Variants in HTR2C observed in about 807,000 individuals in gnomAD.
The protein encoded by HTR2C is 5-hydroxytryptamine (serotonin) receptor 2C, G protein-coupled.
Under a neutral mutation model 21.0 loss-of-function variants are expected in HTR2C, and 5 were observed. The observed-to-expected ratio is 0.24, with a 90% CI of 0.12 to 0.50. The LOEUF is 0.50. HTR2C is among the 20% of genes least tolerant of loss of function. The pLI, the probability that HTR2C is intolerant of heterozygous loss-of-function variation, is 0.98. For synonymous variants in HTR2C, 150 were observed against 145.3 expected (o/e 1.03, Z -0.23); for missense variants, 271 against 371.2 (o/e 0.73, Z 2.22).
At position 114,726,769 on chromosome X, in the gene HTR2C, T is replaced by C. The variant is rs1269796908; in HGVS notation, c.-79-89T>C. The C allele has an allele frequency of 1.3e-5, 5 of 395,236 alleles. No homozygotes were observed. The African/African-American group carries it at 1.3e-4, about 11-fold the overall frequency. The allele number at this position is 395,236 out of a possible 1,213,427, so 32.6% of individuals were successfully genotyped here. A position where few individuals can be genotyped will look rare whatever the true frequency, so the allele number is the denominator to read the frequency against. On this transcript the variant is annotated intron_variant, in intron 2 of 5. Coordinates refer to ENST00000276198, the MANE Select transcript of HTR2C (RefSeq NM_000868.4). ...AATTAATAACTGTTTCTTATCACCA[T>C]TAAGTGCATTTAAGTTTATTTAATT...
chrX:114,822,152 A>C (rs1369019744), intron 4 of HTR2C, among the ~76,000 whole-genome samples: 2 of 111,720 alleles, frequency 1.8e-5, no homozygotes. Context: ...TGGCAAGATT[A>C]AATATACTTT....
At chrX:114,695,172 T>C (rs1556415714) in intron 2 of HTR2C, among the ~76,000 whole-genome samples, 2 of 112,500 alleles carry the variant, frequency 1.8e-5, no homozygotes. Flanking sequence ...TATTATTTGA[T>C]GAAGAAATTT....
chrX:114,765,265 C>T (rs1159299387), intron 4 of HTR2C, among the ~76,000 whole-genome samples: 4 of 110,454 alleles, frequency 3.6e-5, no homozygotes, highest in Admixed American at 9.8e-5. Flanking sequence ...TGAACTTTTC[C>T]CTCAAAGCCT....
intron 4 of HTR2C, among the ~76,000 whole-genome samples, chrX:114,734,142 A>G (rs1233285046): frequency 4.5e-5 from 5 of 111,493 alleles, no homozygotes; most frequent in Non-Finnish European, 9.4e-5. Context: ...GAATGAACAT[A>G]AAAAGCACCC....
chrX:114,724,094 A>C (rs782512312), intron 2 of HTR2C, among the ~76,000 whole-genome samples: 3,884 of 106,083 alleles, frequency 0.037, 199 homozygotes, highest in African/African-American at 0.13. Flanking sequence ...TCTCGTTGAT[A>C]TGTCTAATGT....
intron 4 of HTR2C, among the ~76,000 whole-genome samples, chrX:114,788,926 G>A (rs2070204540): frequency 8.9e-6 from 1 of 111,879 alleles, no homozygotes; most frequent in South Asian, 3.7e-4. Context: ...TGGGATTACA[G>A]GCATGAGGCA....
At chrX:114,823,849 C>T (rs1221630864) in intron 4 of HTR2C, among the ~76,000 whole-genome samples, 1 of 110,917 alleles carries the variant, frequency 9.0e-6, no homozygotes, top group African/African-American at 3.3e-5. Context: ...AGAGCTACAC[C>T]GAATTAGGGA....
chrX:114,625,428 C>A (rs1464714393), intron 2 of HTR2C, among the ~76,000 whole-genome samples: 1 of 111,166 alleles, frequency 9.0e-6, no homozygotes, highest in Non-Finnish European at 1.9e-5. Context: ...CTCTGTTAGA[C>A]ACCATGAGAG....
chrX:114,675,994 C>T (rs1282658326), intron 2 of HTR2C, among the ~76,000 whole-genome samples: 1 of 108,611 alleles, frequency 9.2e-6, no homozygotes, highest in African/African-American at 3.3e-5. Flanking sequence ...CTCGGCCCCC[C>T]AAGTAGTTGG....
At chrX:114,714,382 A>G in intron 2 of HTR2C, among the ~76,000 whole-genome samples, 1 of 111,974 alleles carries the variant, frequency 8.9e-6, no homozygotes, top group East Asian at 2.8e-4. Flanking sequence ...TAAAATCACC[A>G]ATAAACAATT....
intron 2 of HTR2C, among the ~76,000 whole-genome samples, chrX:114,718,256 A>T (rs997159445): frequency 2.7e-5 from 3 of 111,305 alleles, no homozygotes; most frequent in Admixed American, 9.6e-5. Flanking sequence ...CTTATTTTTT[A>T]AAATTATTTT....
intron 4 of HTR2C, among the ~76,000 whole-genome samples, chrX:114,766,021 A>G (rs1255394327): frequency 9.0e-6 from 1 of 111,660 alleles, no homozygotes; most frequent in Non-Finnish European, 1.9e-5. Flanking sequence ...TAAATGGTAA[A>G]AGATACGGAA....
intron 5 of HTR2C, among the ~76,000 whole-genome samples, chrX:114,894,984 G>T (rs192068075): frequency 1.1e-4 from 12 of 111,527 alleles, no homozygotes; most frequent in African/African-American, 3.6e-4. Context: ...CTCCCAAAGT[G>T]CTGGGATTAC....
chrX:114,861,316 T>C (rs2071004452), intron 5 of HTR2C, among the ~76,000 whole-genome samples: 1 of 111,456 alleles, frequency 9.0e-6, no homozygotes, highest in Non-Finnish European at 1.9e-5. Flanking sequence ...TAGCATGTCT[T>C]CCAGGCTAAT....
At chrX:114,805,682 T>C (rs797038756) in intron 4 of HTR2C, among the ~76,000 whole-genome samples, 163 of 7,249 alleles carry the variant, frequency 0.022, 46 homozygotes, top group African/African-American at 0.046. Flanking sequence ...ACCATATATA[T>C]ACCATATATA....
intron 2 of HTR2C, among the ~76,000 whole-genome samples, chrX:114,678,171 C>G (rs1556413034): frequency 9.0e-6 from 1 of 110,545 alleles, no homozygotes; most frequent in African/African-American, 3.3e-5. Flanking sequence ...GATTCTTTCT[C>G]TGCACATGTA....
chrX:114,864,784 T>A (rs1250787690), intron 5 of HTR2C, among the ~76,000 whole-genome samples: 2 of 111,911 alleles, frequency 1.8e-5, no homozygotes, highest in Non-Finnish European at 3.8e-5. Flanking sequence ...CTTTTGCTTG[T>A]CTGTGAAAGA....
intron 4 of HTR2C, among the ~76,000 whole-genome samples, chrX:114,836,735 G>C (rs782214278): frequency 9.0e-6 from 1 of 111,429 alleles, no homozygotes; most frequent in African/African-American, 3.3e-5. Flanking sequence ...CCTCCCCCTC[G>C]GTAACTTTTT....
Position 114,646,415 on chromosome X carries a change from A to G in HTR2C, c.-80+32534A>G, listed in dbSNP as rs1435017046. Among the ~76,000 whole-genome samples, 7 of 112,314 alleles carry G rather than the reference A, an allele frequency of 6.2e-5. No homozygotes were observed. In the East Asian group the frequency reaches 1.9e-3, roughly 31 times the overall value. On this transcript the variant is annotated intron_variant, in intron 2 of 5. Transcript: ENST00000276198. The stretch of plus-strand genomic sequence containing the variant: ...ATTTTAAATTGTTAAAAATCACAAC[A>G]TTATTTTTCCTTAAAAGGAAAATAC...
Sources: allele counts gnomAD v4.1 joint callset (sites outside exome capture counted in the v4.1 genomes callset), GRCh38; gene constraint gnomAD v4.1.1; transcripts MANE v1.5; gene names NCBI Gene and HGNC (gene_info 2026-07-23, HGNC 2026-07-21).